The following HERC3 variants were observed in gnomAD, a reference collection of about 807,000 sequenced individuals.
The protein encoded by HERC3 is HECT and RLD domain containing E3 ubiquitin protein ligase 3.
HERC3 carries 58 observed loss-of-function variants against 129.9 expected under a neutral mutation model. The ratio of observed to expected loss-of-function variants is 0.45; its 90% CI spans 0.36 to 0.56. The LOEUF is 0.56. Ranked by LOEUF, HERC3 falls within the 20% of genes least tolerant of loss-of-function variation. HERC3 has a pLI of 0.00. For synonymous variants in HERC3, 430 were observed against 451.0 expected (o/e 0.95, Z 0.59); for missense variants, 835 against 1,244.2 (o/e 0.67, Z 4.95).
chr4:88,581,815 T>C, the HERC3 span, among the ~76,000 whole-genome samples: 9 of 152,224 alleles, frequency 5.9e-5, no homozygotes, highest in African/African-American at 1.2e-4. Flanking sequence ...ATGTTTTTTA[T>C]AGAATTTTTC....
chr4:88,619,184 C>A (rs780488904), intron 3 of HERC3, among the ~76,000 whole-genome samples: 1 of 152,242 alleles, frequency 6.6e-6, no homozygotes, highest in African/African-American at 2.4e-5. Context: ...TTCACGTTTT[C>A]TGTTGTTCCT....
intron 4 of HERC3, among the ~76,000 whole-genome samples, chr4:88,651,748 C>A (rs1273944725): frequency 1.3e-5 from 2 of 152,092 alleles, no homozygotes; most frequent in African/African-American, 4.8e-5. Context: ...CAACGCCCGG[C>A]TGATTTTTTT....
At chr4:88,576,938 T>G in the HERC3 span, among the ~76,000 whole-genome samples, 1 of 152,202 alleles carries the variant, frequency 6.6e-6, no homozygotes, top group Non-Finnish European at 1.5e-5. Flanking sequence ...TTTCTCAAAT[T>G]TATCTGGAAT....
chr4:88,605,892 T>A lies in HERC3; in HGVS notation c.69T>A (p.Ala23=), dbSNP rs142849860. Residue 23 remains alanine (A), a synonymous_variant, in exon 3 of 26, where the codon GCT becomes GCA. Transcript: ENST00000402738. ...GISTNLQGIV[A]EPQVCGFISD... ...GCACCAACCTGCAGGGAATTGTGGC[T>A]GAGCCCCAGGTGTGTGGGTTCATAT... 6.2e-7 allele frequency: 1 copy of A among 1,614,246 alleles called. No homozygotes were observed. Among genetic ancestry groups the A allele is most frequent in the African/African-American group, 1.3e-5 (1 of 75,066 alleles).
intron 2 of HERC3, 46 bp from the exon 3 acceptor site, chr4:88,605,749 C>A: frequency 9.0e-7 from 1 of 1,117,138 alleles, no homozygotes; most frequent in South Asian, 1.5e-5. Flanking sequence ...TTTCTATGAC[C>A]TATTTCTTTT....
the HERC3 span, among the ~76,000 whole-genome samples, chr4:88,543,947 G>T: frequency 6.6e-6 from 1 of 152,144 alleles, no homozygotes; most frequent in Non-Finnish European, 1.5e-5. Context: ...TTAAATGTAA[G>T]ATCTAAAACC....
the HERC3 span, among the ~76,000 whole-genome samples, chr4:88,549,905 A>G: frequency 2.6e-5 from 4 of 152,144 alleles, no homozygotes; most frequent in South Asian, 2.1e-4. Context: ...GATGTGACCA[A>G]TCATATGGCT....
chr4:88,622,908 A>G (rs1164419749), intron 3 of HERC3, among the ~76,000 whole-genome samples: 2 of 152,206 alleles, frequency 1.3e-5, no homozygotes, highest in Non-Finnish European at 2.9e-5. Context: ...CAGCCTTGTG[A>G]CAGAGTGAGA....
At chr4:88,599,671 G>C (rs1323337866) in intron 2 of HERC3, among the ~76,000 whole-genome samples, 1 of 152,140 alleles carries the variant, frequency 6.6e-6, no homozygotes, top group Non-Finnish European at 1.5e-5. Flanking sequence ...ATCCTAATAA[G>C]ACTGAGATGC....
the HERC3 span, among the ~76,000 whole-genome samples, chr4:88,544,086 A>G: frequency 2.6e-5 from 4 of 152,340 alleles, no homozygotes; most frequent in Non-Finnish European, 2.9e-5. Flanking sequence ...TAATTAAACT[A>G]AAGAGCTTCT....
Position 88,706,996 on chromosome 4 carries a change from T to C in HERC3, c.*36T>C, listed in dbSNP as rs1735842151. The C allele has an allele frequency of 6.5e-7, 1 of 1,530,158 alleles. No individual in the cohort carries two copies. Among genetic ancestry groups the C allele is most frequent in the Non-Finnish European group, 9.1e-7 (1 of 1,103,746 alleles). The allele number at this position is 1,530,158 out of a possible 1,614,324, so 94.8% of individuals were successfully genotyped here. A position where few individuals can be genotyped will look rare whatever the true frequency, so the allele number is the denominator to read the frequency against. ...CTTGTCCAGTATTTCCCTTCGTTCCTCAGTGTCCACATTGAGGCCTATACA... is the reference window on the plus strand; with the variant it reads ...CTTGTCCAGTATTTCCCTTCGTTCCCCAGTGTCCACATTGAGGCCTATACA... On this transcript the variant is annotated 3_prime_UTR_variant, in exon 26 of 26. Coordinates refer to ENST00000402738, the MANE Select transcript of HERC3 (RefSeq NM_014606.3).
intron 3 of HERC3, among the ~76,000 whole-genome samples, chr4:88,616,094 T>C (rs555230903): frequency 1.6e-3 from 245 of 152,316 alleles, no homozygotes; most frequent in Non-Finnish European, 2.9e-3. Flanking sequence ...CTGAGGAAGA[T>C]GTTATAAGTT....
chr4:88,592,942 A>G (rs1323352128), intron 1 of HERC3, among the ~76,000 whole-genome samples: 1 of 152,096 alleles, frequency 6.6e-6, no homozygotes, highest in Non-Finnish European at 1.5e-5. Context: ...GCGACGCAGA[A>G]AGTCAAAAGG....
the HERC3 span, chr4:88,528,030 G>A: frequency 4.2e-5 from 12 of 284,856 alleles, no homozygotes; most frequent in Non-Finnish European, 7.0e-5. Flanking sequence ...ATGCAAAAGC[G>A]AGACTGTAGT....
intron 4 of HERC3, among the ~76,000 whole-genome samples, chr4:88,650,474 G>C (rs920954523): frequency 6.6e-6 from 1 of 152,148 alleles, no homozygotes; most frequent in Non-Finnish European, 1.5e-5. Flanking sequence ...AATACAGTAG[G>C]TTTTGAGTCT....
the HERC3 span, among the ~76,000 whole-genome samples, chr4:88,579,091 G>T: frequency 3.3e-5 from 5 of 151,998 alleles, no homozygotes; most frequent in Admixed American, 1.3e-4. Context: ...AGATTAGTTT[G>T]TTAAGAGTGG....
intron 3 of HERC3, among the ~76,000 whole-genome samples, chr4:88,643,106 T>G (rs1272684618): frequency 2.0e-5 from 3 of 152,180 alleles, no homozygotes; most frequent in Admixed American, 1.3e-4. Context: ...CGATATGCAA[T>G]TGGAAACTGG....
chr4:88,596,786 GTTCCCTC>G (rs1317269466), intron 2 of HERC3, among the ~76,000 whole-genome samples: 1 of 152,190 alleles, frequency 6.6e-6, no homozygotes, highest in Admixed American at 6.5e-5. Context: ...CTTCCAGATT[GTTCCCTC>G]TATTCCTACT....
chr4:88,670,881 A>G (rs1207564705), intron 16 of HERC3, among the ~76,000 whole-genome samples: 2 of 151,996 alleles, frequency 1.3e-5, no homozygotes, highest in African/African-American at 4.8e-5. Flanking sequence ...CACAATTCCC[A>G]CTGCAGCGTA....
Sources: gnomAD v4.1 joint callset for allele counts (sites outside exome capture counted in the v4.1 genomes callset) on GRCh38, gnomAD v4.1.1 for gene constraint, MANE v1.5 for transcripts, NCBI Gene and HGNC (gene_info 2026-07-23, HGNC 2026-07-21) for gene names.